ANKS1A: variants seen among roughly 807,000 people sequenced by gnomAD.
ANKS1A encodes ankyrin repeat and SAM domain-containing protein 1A.
A neutral mutation model predicts 120.3 loss-of-function variants in ANKS1A; 55 were observed. The observed-to-expected ratio is 0.46, with a 90% CI of 0.37 to 0.57. The LOEUF is 0.57. Ranked by LOEUF, ANKS1A falls within the 20% of genes least tolerant of loss-of-function variation. The pLI, the probability that ANKS1A is intolerant of heterozygous loss-of-function variation, is 0.00. For missense variants in ANKS1A, 1,123 were observed against 1,480.3 expected, an observed-to-expected ratio of 0.76 and a Z score of 3.96; for synonymous variants, 590 against 604.7, an observed-to-expected ratio of 0.98 and a Z score of 0.36.
intron 13 of ANKS1A, among the ~76,000 whole-genome samples, chr6:35,065,929 C>G (rs1420429044): frequency 6.6e-6 from 1 of 152,198 alleles, no homozygotes; most frequent in African/African-American, 2.4e-5. Flanking sequence ...TCCTCCCCAC[C>G]CTGCTCTCTA....
chr6:35,005,810 T>C, intron 10 of ANKS1A: 1 of 431,212 alleles, frequency 2.3e-6, no homozygotes, highest in Non-Finnish European at 4.6e-6. Context: ...CCCAGCACTT[T>C]GGGACCCCAA....
intron 1 of ANKS1A, among the ~76,000 whole-genome samples, chr6:34,926,799 A>G (rs934238645): frequency 7.9e-5 from 12 of 152,182 alleles, no homozygotes; most frequent in Non-Finnish European, 1.6e-4. Context: ...GCTTCCTGTC[A>G]TCAGTTACAG....
intron 3 of ANKS1A, among the ~76,000 whole-genome samples, chr6:34,976,713 A>G (rs1027581603): frequency 2.6e-5 from 4 of 151,202 alleles, no homozygotes; most frequent in African/African-American, 9.7e-5. Context: ...ACTATGGTAC[A>G]CTCTTCTTGA....
In ANKS1A at chr6:35,088,992, T is replaced by C; in HGVS notation, c.*383T>C. The stretch of plus-strand genomic sequence containing the variant: ...GCCATGGGGCAGAGGACAGGGGAGC[T>C]GAGGTTGGTTCAGAGGCCAGCCTGC... On this transcript the variant is annotated 3_prime_UTR_variant, in exon 24 of 24. Transcript: ENST00000360359. The C allele has an allele frequency of 8.5e-7, 1 of 1,182,138 alleles. No individual in the cohort carries two copies. Among genetic ancestry groups the C allele is most frequent in the Non-Finnish European group, 1.1e-6 (1 of 944,310 alleles). 73.2% of individuals were successfully genotyped at this position (1,182,138 alleles called of 1,614,324 possible). A position where few individuals can be genotyped will look rare whatever the true frequency, so the allele number is the denominator to read the frequency against.
At chr6:34,908,454 A>G (rs3800452) in intron 1 of ANKS1A, among the ~76,000 whole-genome samples, 11,099 of 152,224 alleles carry the variant, frequency 0.073, 613 homozygotes, top group East Asian at 0.23. Context: ...TGCTGGCTTG[A>G]TAGAGTCTAA....
In ANKS1A at chr6:35,091,058, T is replaced by C. The variant is rs1462604635; in HGVS notation, c.*2449T>C. 22 of 985,708 alleles carry C rather than the reference T, an allele frequency of 2.2e-5. No individual in the cohort carries two copies. Among genetic ancestry groups the C allele is most frequent in the Non-Finnish European group, 2.5e-5 (21 of 829,888 alleles). 61.1% of individuals were successfully genotyped at this position (985,708 alleles called of 1,614,324 possible). On this transcript the variant is annotated 3_prime_UTR_variant, in exon 24 of 24. Coordinates refer to ENST00000360359, the MANE Select transcript of ANKS1A (RefSeq NM_015245.3). Reference sequence around the variant, plus strand: ...AACCAGTCTGAATTGGGTCTGTCTTTGAGATGCCCAGGCCAGCAGAAAGCA... The same window carrying C: ...AACCAGTCTGAATTGGGTCTGTCTTCGAGATGCCCAGGCCAGCAGAAAGCA...
chr6:35,059,331 G>A (rs1011847713), intron 12 of ANKS1A, among the ~76,000 whole-genome samples: 2 of 152,242 alleles, frequency 1.3e-5, no homozygotes, highest in South Asian at 2.1e-4. Flanking sequence ...CGATGCTGCC[G>A]TCCCAGCAGA....
chr6:35,070,484 C>CTTTTTTTT (rs869249276), intron 13 of ANKS1A, among the ~76,000 whole-genome samples: 12 of 62,966 alleles, frequency 1.9e-4, no homozygotes, highest in Non-Finnish European at 2.3e-4. Flanking sequence ...AAGCCTTTAT[C>CTTTTTTTT]TTTTTTTTTT....
At chr6:34,993,476 A>C (rs1484628051) in intron 9 of ANKS1A, among the ~76,000 whole-genome samples, 1 of 152,256 alleles carries the variant, frequency 6.6e-6, no homozygotes, top group East Asian at 1.9e-4. Context: ...CTCAGTAGAC[A>C]GCTGCTTTTC....
intron 14 of ANKS1A, among the ~76,000 whole-genome samples, chr6:35,079,039 C>A (rs903451565): frequency 6.6e-6 from 1 of 152,186 alleles, no homozygotes; most frequent in Admixed American, 6.5e-5. Context: ...CCGGGCCCCT[C>A]CCCGAGTGGG....
At position 35,078,619 on chromosome 6, in the gene ANKS1A, G is replaced by A. The variant is rs200009772; in HGVS notation, c.2246G>A (p.Arg749Gln). The change falls in exon 14 of 24, where the codon CGG (arginine) becomes CAG (glutamine). Residue 749 changes from arginine to glutamine, a missense_variant. By Grantham distance (43) the Arg-to-Gln change is conservative. Around this residue, in one of 3 missense-constraint regions of ANKS1A, gnomAD observed 904 missense variants for 1,130.4 expected, o/e 0.80. Coordinates refer to ENST00000360359, the MANE Select transcript of ANKS1A (RefSeq NM_015245.3). ...RDIGISDPQHRRKLLQAARSL... is the reference protein window; with the variant it reads ...RDIGISDPQHQRKLLQAARSL... ...ATCGGCATCAGCGACCCACAGCACCGGCGGAAGCTGCTCCAGGCGGCACGC... is the reference window on the plus strand; with the variant it reads ...ATCGGCATCAGCGACCCACAGCACCAGCGGAAGCTGCTCCAGGCGGCACGC... The A allele has an allele frequency of 9.5e-4, 1,533 of 1,605,986 alleles. 4 individuals are homozygous for A. The highest frequency in any genetic ancestry group is 2.9e-3 in the South Asian group (267 of 91,078).
Position 34,919,007 on chromosome 6 carries a change from A to G in ANKS1A, c.197+29408A>G, listed in dbSNP as rs552173498. 2.0e-5 allele frequency among the ~76,000 whole-genome samples: 3 copies of G among 152,168 alleles called. No homozygotes were observed. In the East Asian group the frequency reaches 5.8e-4, roughly 29 times the overall value. On this transcript the variant is annotated intron_variant, in intron 1 of 23. Coordinates refer to ENST00000360359, the MANE Select transcript of ANKS1A (RefSeq NM_015245.3). ...GCTGGGATTACAGGCGCCTGCCACC[A>G]TGCCCGGCTAATTTTTGTATTTTTA... is the stretch of plus-strand genomic sequence containing the variant.
intron 1 of ANKS1A, among the ~76,000 whole-genome samples, chr6:34,948,119 G>T (rs1769892746): frequency 6.7e-6 from 1 of 150,356 alleles, no homozygotes; most frequent in African/African-American, 2.4e-5. Context: ...TGCCATGTTG[G>T]TTTGCTGCAC....
intron 11 of ANKS1A, among the ~76,000 whole-genome samples, chr6:35,036,458 G>A (rs1053876104): frequency 6.6e-6 from 1 of 152,216 alleles, no homozygotes; most frequent in Non-Finnish European, 1.5e-5. Flanking sequence ...GACCTACTCA[G>A]AGTCTCACGA....
intron 7 of ANKS1A, 96 bp downstream of exon 7, chr6:34,983,521 T>C: frequency 9.3e-7 from 1 of 1,077,056 alleles, no homozygotes; most frequent in Non-Finnish European, 1.4e-6. Context: ...TAAATAATAA[T>C]TTTGGGGGAT....
chr6:34,992,036 C>G (rs925459439), intron 9 of ANKS1A, among the ~76,000 whole-genome samples: 1 of 151,824 alleles, frequency 6.6e-6, no homozygotes, highest in Non-Finnish European at 1.5e-5. Flanking sequence ...GGAGCCAGCA[C>G]CAAGAAGAAA....
chr6:34,910,637 G>C (rs1767864217), intron 1 of ANKS1A, among the ~76,000 whole-genome samples: 1 of 152,088 alleles, frequency 6.6e-6, no homozygotes, highest in Non-Finnish European at 1.5e-5. Flanking sequence ...GAGGTGGGCA[G>C]ATCACCTGAG....
intron 3 of ANKS1A, among the ~76,000 whole-genome samples, chr6:34,980,869 A>C (rs998167718): frequency 3.3e-5 from 5 of 152,250 alleles, no homozygotes; most frequent in Non-Finnish European, 4.4e-5. Context: ...GTTTGAAACA[A>C]AATTGGCATT....
chr6:34,996,348 A>G (rs531266600), intron 10 of ANKS1A, among the ~76,000 whole-genome samples: 1 of 152,290 alleles, frequency 6.6e-6, no homozygotes, highest in African/African-American at 2.4e-5. Context: ...TTCATTAGAT[A>G]TGTGATTTTC....
Sources: gnomAD v4.1 joint callset for allele counts (sites outside exome capture counted in the v4.1 genomes callset) on GRCh38, gnomAD v4.1.1 for gene constraint, gnomAD v4.1.1 regional missense constraint, MANE v1.5 for transcripts, NCBI Gene and HGNC (gene_info 2026-07-23, HGNC 2026-07-21) for gene names.